RAPH1: variants seen among roughly 807,000 people sequenced by gnomAD.
The protein encoded by RAPH1 is Ras association (RalGDS/AF-6) and pleckstrin homology domains 1.
In RAPH1, 18 loss-of-function variants were observed where a neutral mutation model predicts 88.1. The observed-to-expected ratio is 0.20, with a 90% CI of 0.14 to 0.30. RAPH1 has a LOEUF of 0.30. RAPH1 is among the 10% of genes least tolerant of loss of function. The pLI is 1.00. For missense variants in RAPH1, 1,448 were observed against 1,543.2 expected (o/e 0.94, Z 1.03); for synonymous variants, 587 against 559.0 (o/e 1.05, Z -0.71).
At chr2:203,441,572 C>T (rs2098504194) in intron 13 of RAPH1, 159 bp from the exon 14 acceptor site, 1 of 1,365,566 alleles carries the variant, frequency 7.3e-7, no homozygotes, top group Non-Finnish European at 9.4e-7. Context: ...TGGACAATGT[C>T]AGGAAGGCTA....
chr2:203,534,546 C>A (rs1213152970), intron 1 of RAPH1, among the ~76,000 whole-genome samples: 6 of 121,874 alleles, frequency 4.9e-5, no homozygotes, highest in Non-Finnish European at 6.5e-5. Context: ...TTTGGATTTC[C>A]GGCGGGAATG....
chr2:203,471,373 A>C (rs1339643161), intron 4 of RAPH1, among the ~76,000 whole-genome samples: 2 of 152,198 alleles, frequency 1.3e-5, no homozygotes, highest in African/African-American at 4.8e-5. Context: ...GCACTTTGGG[A>C]GGCCAAGGCA....
At chr2:203,469,829 T>A (rs2098531546) in intron 4 of RAPH1, among the ~76,000 whole-genome samples, 1 of 152,208 alleles carries the variant, frequency 6.6e-6, no homozygotes, top group Non-Finnish European at 1.5e-5. Flanking sequence ...AGTAAATGTT[T>A]TAATTAAATG....
chr2:203,533,694 G>C (rs1451236334), intron 1 of RAPH1, among the ~76,000 whole-genome samples: 1 of 151,744 alleles, frequency 6.6e-6, no homozygotes, highest in African/African-American at 2.4e-5. Context: ...TTACTATATA[G>C]TTCACTGTAT....
intron 8 of RAPH1, among the ~76,000 whole-genome samples, 157 bp downstream of exon 8, chr2:203,457,373 A>G (rs2098520535): frequency 6.6e-6 from 1 of 151,802 alleles, no homozygotes; most frequent in Non-Finnish European, 1.5e-5. Flanking sequence ...TTTTTAACAG[A>G]CAGGGTTTCA....
intron 1 of RAPH1, among the ~76,000 whole-genome samples, chr2:203,530,643 G>A (rs1338029941): frequency 2.6e-5 from 4 of 152,172 alleles, no homozygotes; most frequent in African/African-American, 9.7e-5. Flanking sequence ...TGTAATCCCA[G>A]CACTTTGGGA....
rs1333429763 is a variant in RAPH1 at position 203,490,107 on chromosome 2, T to A, written c.227-18A>T. ...CAGAGCTTCTGCAATGAACAACACA[T>A]AATGTTTCCAGAATTTATACATTCT... On this transcript the variant is annotated intron_variant, in intron 3 of 13. Coordinates refer to ENST00000319170, the MANE Select transcript of RAPH1 (RefSeq NM_213589.3). 2 of 1,561,136 alleles carry A rather than the reference T, an allele frequency of 1.3e-6. No individual in the cohort carries two copies. The highest frequency in any genetic ancestry group is 1.7e-6 in the Non-Finnish European group (2 of 1,155,996).
chr2:203,493,971 C>CAAA lies in RAPH1; in HGVS notation c.120+1260_120+1262dup, dbSNP rs397937732. On this transcript the variant is annotated intron_variant, in intron 2 of 13. Transcript: ENST00000319170. ...GGGCGACAGGAGTGAGACTCTATCT[C>CAAA]AAAAAAAAAAAAAAAAAAAAAAAAA... Among the ~76,000 whole-genome samples the CAAA allele has an allele frequency of 2.2e-3, 42 of 18,958 alleles. 1 individual carries two copies. The highest frequency in any genetic ancestry group is 4.7e-3 in the African/African-American group (35 of 7,388). The allele number at this position is 18,958 out of a possible 152,430, so 12.4% of individuals were successfully genotyped here.
intron 12 of RAPH1, chr2:203,447,720 A>G: frequency 6.5e-6 from 2 of 306,502 alleles, no homozygotes; most frequent in Non-Finnish European, 5.9e-6. Flanking sequence ...ATAAATATAA[A>G]TAACAAAACT....
At chr2:203,441,753 A>G (rs1214741031) in intron 13 of RAPH1, 2 of 1,284,846 alleles carry the variant, frequency 1.6e-6, no homozygotes, top group Admixed American at 3.8e-5. Flanking sequence ...AGCCTGCCCT[A>G]CATGGAACCC....
intron 1 of RAPH1, among the ~76,000 whole-genome samples, chr2:203,517,289 C>G (rs1392671175): frequency 7.2e-6 from 1 of 138,592 alleles, no homozygotes; most frequent in Non-Finnish European, 1.5e-5. Context: ...GATAAAGGGT[C>G]GAGTCTCCAA....
chr2:203,477,982 C>CT (rs1687540250), intron 4 of RAPH1, among the ~76,000 whole-genome samples: 1 of 151,952 alleles, frequency 6.6e-6, no homozygotes, highest in Non-Finnish European at 1.5e-5. Context: ...AGCCTTCATC[C>CT]TTTGAGTTAT....
intron 1 of RAPH1, among the ~76,000 whole-genome samples, chr2:203,510,462 G>A (rs964586588): frequency 1.3e-5 from 2 of 151,374 alleles, no homozygotes; most frequent in African/African-American, 4.9e-5. Flanking sequence ...TAAGAGAATA[G>A]AAATGGGAAA....
At position 203,492,757 on chromosome 2, in the gene RAPH1, T is replaced by C. The variant is rs552193578; in HGVS notation, c.121-1438A>G. 6.8e-5 allele frequency among the ~76,000 whole-genome samples: 10 copies of C among 146,464 alleles called. No individual in the cohort carries two copies. In the South Asian group the frequency reaches 2.2e-3, roughly 33 times the overall value. ...TTTTAAAAGAATGCTGGATACTCTATGTGTTTATAATGCTATCTTTTTTTT... is the reference window on the plus strand; with the variant it reads ...TTTTAAAAGAATGCTGGATACTCTACGTGTTTATAATGCTATCTTTTTTTT... On this transcript the variant is annotated intron_variant, in intron 2 of 13. Coordinates refer to ENST00000319170, the MANE Select transcript of RAPH1 (RefSeq NM_213589.3).
chr2:203,511,282 A>G (rs1689331556), intron 1 of RAPH1, among the ~76,000 whole-genome samples: 1 of 152,144 alleles, frequency 6.6e-6, no homozygotes, highest in Non-Finnish European at 1.5e-5. Flanking sequence ...AAAAAAAAAA[A>G]AGTGGCCAAT....
intron 4 of RAPH1, among the ~76,000 whole-genome samples, chr2:203,471,955 C>CTAAA (rs1392852730): frequency 6.6e-6 from 1 of 151,982 alleles, no homozygotes; most frequent in African/African-American, 2.4e-5. Flanking sequence ...TGTAGTCCTC[C>CTAAA]TAAAGGTAAG....
At chr2:203,454,785 G>A (rs2098517883) in intron 9 of RAPH1, among the ~76,000 whole-genome samples, 1 of 152,170 alleles carries the variant, frequency 6.6e-6, no homozygotes, top group African/African-American at 2.4e-5. Context: ...TTGTTAAGGA[G>A]TGTTGGCATT....
At chr2:203,475,234 C>T (rs1174025571) in intron 4 of RAPH1, among the ~76,000 whole-genome samples, 1 of 151,992 alleles carries the variant, frequency 6.6e-6, no homozygotes, top group South Asian at 2.1e-4. Context: ...GGTGAAACCC[C>T]GTCTCTATTA....
chr2:203,521,683 T>A (rs1473839585), intron 1 of RAPH1, among the ~76,000 whole-genome samples: 1 of 152,134 alleles, frequency 6.6e-6, no homozygotes, highest in Non-Finnish European at 1.5e-5. Context: ...ATGTAACATA[T>A]GCTTATTGTA....
Sources: gnomAD v4.1 joint callset for allele counts (sites outside exome capture counted in the v4.1 genomes callset) on GRCh38, gnomAD v4.1.1 for gene constraint, MANE v1.5 for transcripts, NCBI Gene and HGNC (gene_info 2026-07-23, HGNC 2026-07-21) for gene names.